The following AFF1 variants were observed in gnomAD, a reference collection of about 807,000 sequenced individuals.
AFF1 encodes the protein AF4/FMR2 family member 1.
AFF1 carries 48 observed loss-of-function variants against 121.7 expected under a neutral mutation model. The observed-to-expected ratio is 0.39, with a 90% CI of 0.31 to 0.50. AFF1 has a LOEUF of 0.50. AFF1 is among the 20% of genes least tolerant of loss of function. The probability of loss-of-function intolerance (pLI) is 0.76; values close to 1 mark genes in which losing one functional copy is unlikely to be tolerated. For missense variants in AFF1, 1,523 were observed against 1,511.7 expected, an observed-to-expected ratio of 1.01 and a Z score of -0.12; for synonymous variants, 613 against 563.0, an observed-to-expected ratio of 1.09 and a Z score of -1.26.
chr4:86,996,009 TGAG>T (rs1351049894), intron 2 of AFF1, among the ~76,000 whole-genome samples: 1 of 149,730 alleles, frequency 6.7e-6, no homozygotes, highest in African/African-American at 2.5e-5. Flanking sequence ...CCGCCCCGTC[TGAG>T]AAGTGAGGAG....
intron 11 of AFF1, among the ~76,000 whole-genome samples, chr4:87,109,419 A>C (rs138811369): frequency 1.3e-4 from 20 of 152,380 alleles, no homozygotes; most frequent in African/African-American, 4.1e-4. Flanking sequence ...TGGAGTGGAC[A>C]GACATGCATC....
At chr4:86,987,482 G>A (rs1204892412) in intron 2 of AFF1, among the ~76,000 whole-genome samples, 2 of 152,094 alleles carry the variant, frequency 1.3e-5, no homozygotes, top group Non-Finnish European at 2.9e-5. Flanking sequence ...AACCAAGAAT[G>A]TATAGACTGG....
At chr4:87,091,264 G>A (rs1032976524) in intron 6 of AFF1, among the ~76,000 whole-genome samples, 1 of 152,026 alleles carries the variant, frequency 6.6e-6, no homozygotes, top group Non-Finnish European at 1.5e-5. Flanking sequence ...TTAGCTGGGT[G>A]TGGTGGCGGG....
intron 2 of AFF1, among the ~76,000 whole-genome samples, chr4:86,968,769 CAG>C (rs751805165): frequency 1.6e-4 from 25 of 152,178 alleles, no homozygotes; most frequent in Middle Eastern, 3.2e-3. Context: ...TGGAGGGTCT[CAG>C]GGGGACCCTT....
At chr4:87,023,870 T>A (rs1578088761) in intron 2 of AFF1, among the ~76,000 whole-genome samples, 1 of 151,828 alleles carries the variant, frequency 6.6e-6, no homozygotes, top group Non-Finnish European at 1.5e-5. Context: ...GAAAGAGGAG[T>A]GGTGTAAGGG....
intron 2 of AFF1, among the ~76,000 whole-genome samples, chr4:86,969,664 A>G (rs1035823252): frequency 2.6e-5 from 4 of 151,242 alleles, no homozygotes; most frequent in African/African-American, 9.7e-5. Context: ...GCGGATCACG[A>G]GGTCGGGAGA....
chr4:87,134,163 A>C (rs1326243781), intron 19 of AFF1, among the ~76,000 whole-genome samples: 3 of 152,186 alleles, frequency 2.0e-5, no homozygotes, highest in East Asian at 1.9e-4. Flanking sequence ...GAAAGGATGA[A>C]ATACAGGTGG....
rs556940271 is a variant in AFF1, at chr4:87,076,041, G to A, written c.1060-8079G>A. ...GTGGGAAGCCTGTCTGGAGGAGAAA[G>A]ATTAGAACACTAAGGGTTACAATCC... is the stretch of plus-strand genomic sequence containing the variant. On this transcript the variant is annotated intron_variant, in intron 4 of 20. Coordinates refer to ENST00000395146, the MANE Select transcript of AFF1 (RefSeq NM_001166693.3). 1.9e-4 allele frequency among the ~76,000 whole-genome samples: 29 copies of A among 152,264 alleles called. No homozygotes were observed. The South Asian group carries it at 5.8e-3, about 31-fold the overall frequency.
intron 5 of AFF1, among the ~76,000 whole-genome samples, chr4:87,087,174 C>T (rs1455940176): frequency 1.3e-5 from 2 of 152,240 alleles, no homozygotes; most frequent in Non-Finnish European, 2.9e-5. Context: ...GATGCTAGTA[C>T]AATGAGTGGT....
At chr4:86,951,349 C>G (rs1408921523) in intron 2 of AFF1, among the ~76,000 whole-genome samples, 3 of 142,824 alleles carry the variant, frequency 2.1e-5, no homozygotes, top group Non-Finnish European at 4.5e-5. Context: ...TCTGCTTTGT[C>G]CGTTTGCCCC....
rs748545553 is a variant in AFF1 at position 87,108,140 on chromosome 4, T to G, written c.1377-19T>G. 5 of 1,609,834 alleles carry G rather than the reference T, an allele frequency of 3.1e-6. No individual in the cohort carries two copies. In the East Asian group the frequency reaches 1.1e-4, roughly 36 times the overall value. On this transcript the variant is annotated intron_variant, in intron 10 of 20. Coordinates refer to ENST00000395146, the MANE Select transcript of AFF1 (RefSeq NM_001166693.3). ...CCTTGTATCGTGCCTTCTAATTTTA[T>G]CTTTTGGTTGCTTTGCAGTGCTCCA...
chr4:86,984,550 T>A (rs1165340280), intron 2 of AFF1, among the ~76,000 whole-genome samples: 3 of 152,032 alleles, frequency 2.0e-5, no homozygotes, highest in Non-Finnish European at 4.4e-5. Context: ...TCTCGAACTC[T>A]GAGCTCAGGC....
chr4:86,991,156 CAAAA>C (rs55706171), intron 2 of AFF1, among the ~76,000 whole-genome samples: 11 of 145,252 alleles, frequency 7.6e-5, no homozygotes, highest in Admixed American at 4.8e-4. Context: ...AAAAACAAAA[CAAAA>C]AAAAACCGGC....
At chr4:87,081,198 G>A (rs1723142836) in intron 4 of AFF1, among the ~76,000 whole-genome samples, 1 of 118,368 alleles carries the variant, frequency 8.4e-6, no homozygotes, top group Non-Finnish European at 1.6e-5. Flanking sequence ...GTCTCACTCG[G>A]TCTCCCAGGC....
At chr4:87,103,461 A>G (rs1725623954) in intron 8 of AFF1, among the ~76,000 whole-genome samples, 1 of 152,196 alleles carries the variant, frequency 6.6e-6, no homozygotes, top group South Asian at 2.1e-4. Flanking sequence ...GTTTGACCAT[A>G]CTGGTTTATC....
rs1450851918 is a variant in AFF1, at chr4:87,139,636, T to G, written c.*3935T>G. 4.4e-6 allele frequency: 1 copy of G among 229,544 alleles called. No individual in the cohort carries two copies. The highest frequency in any genetic ancestry group is 8.6e-6 in the Non-Finnish European group (1 of 115,738). 14.2% of individuals were successfully genotyped at this position (229,544 alleles called of 1,614,324 possible). A position where few individuals can be genotyped will look rare whatever the true frequency, so the allele number is the denominator to read the frequency against. On this transcript the variant is annotated 3_prime_UTR_variant, in exon 21 of 21. Coordinates refer to ENST00000395146, the MANE Select transcript of AFF1 (RefSeq NM_001166693.3). Reference sequence around the variant, plus strand: ...CAGTACCTTTTTTCCCCTCCTGTTCTTGAGCCAGTTGTCTCTTTTGTTTTG... The same window carrying G: ...CAGTACCTTTTTTCCCCTCCTGTTCGTGAGCCAGTTGTCTCTTTTGTTTTG...
chr4:87,063,228 C>CTTTTTTTTT (rs569577993), intron 4 of AFF1, among the ~76,000 whole-genome samples: 493 of 44,426 alleles, frequency 0.011, 138 homozygotes, highest in African/African-American at 0.012. Flanking sequence ...AGATTCACCT[C>CTTTTTTTTT]TTTTTTTTTT....
At chr4:87,007,466 C>T (rs1285653156) in intron 2 of AFF1, 1 of 1,612,808 alleles carries the variant, frequency 6.2e-7, no homozygotes. Context: ...GCGTTCGTGG[C>T]GAGGGGAGCT....
intron 2 of AFF1, among the ~76,000 whole-genome samples, chr4:86,975,917 G>C (rs980424857): frequency 1.3e-5 from 2 of 152,174 alleles, no homozygotes; most frequent in Non-Finnish European, 2.9e-5. Flanking sequence ...AGATAAAGAG[G>C]AGGGTCAGGA....
Sources: gnomAD v4.1 joint callset for allele counts (sites outside exome capture counted in the v4.1 genomes callset) on GRCh38, gnomAD v4.1.1 for gene constraint, MANE v1.5 for transcripts, NCBI Gene and HGNC (gene_info 2026-07-23, HGNC 2026-07-21) for gene names.